The following CNTNAP5 variants were observed in gnomAD, a reference collection of about 807,000 sequenced individuals.
CNTNAP5 encodes contactin-associated protein-like 5.
In CNTNAP5, 72 loss-of-function variants were observed where a neutral mutation model predicts 150.2. That is an observed-to-expected ratio of 0.48 (90% CI 0.40 to 0.58). The LOEUF is 0.58. CNTNAP5 is among the 20% of genes least tolerant of loss of function. The pLI is 0.00. For synonymous variants in CNTNAP5, 672 were observed against 619.8 expected (o/e 1.08, Z -1.25); for missense variants, 1,636 against 1,626.2 (o/e 1.01, Z -0.10).
intron 12 of CNTNAP5, among the ~76,000 whole-genome samples, chr2:124,611,160 C>A (rs1206898688): frequency 3.3e-5 from 5 of 152,092 alleles, no homozygotes; most frequent in African/African-American, 1.2e-4. Flanking sequence ...AAAGCAACCA[C>A]ATTTATGGAG....
At position 124,514,642 on chromosome 2, in the gene CNTNAP5, C is replaced by T. The variant is rs143904265; in HGVS notation, c.1328-9661C>T. Among the ~76,000 whole-genome samples, 352 of 152,166 alleles carry T rather than the reference C, an allele frequency of 2.3e-3. 2 individuals are homozygous for T. Among genetic ancestry groups the T allele is most frequent in the African/African-American group, 8.0e-3 (332 of 41,504 alleles). ...TGAATAATAGAACATGTGCCTGGGA[C>T]ACTGGGGAAGCACTGGGAAGAGGCA... On this transcript the variant is annotated intron_variant, in intron 8 of 23. Transcript: ENST00000682447.
rs558660063 is a variant in CNTNAP5, at chr2:124,284,945, T to C, written c.381+42552T>C. Among the ~76,000 whole-genome samples the C allele has an allele frequency of 6.6e-5, 10 of 152,198 alleles. No individual in the cohort carries two copies. The East Asian group carries it at 1.9e-3, about 30-fold the overall frequency. ...TCACCCAGGGTATTCTGAGACAGGG[T>C]CTTGCTTTGTCACCCAGGCTGGAGT... On this transcript the variant is annotated intron_variant, in intron 3 of 23. Coordinates refer to ENST00000682447, the MANE Select transcript of CNTNAP5 (RefSeq NM_001367498.1).
At chr2:124,415,277 C>A (rs1236712435) in intron 3 of CNTNAP5, among the ~76,000 whole-genome samples, 1 of 152,134 alleles carries the variant, frequency 6.6e-6, no homozygotes, top group African/African-American at 2.4e-5. Flanking sequence ...CTAAGTCATT[C>A]TTTTATATGA....
intron 1 of CNTNAP5, among the ~76,000 whole-genome samples, chr2:124,029,025 G>T (rs191557867): frequency 3.3e-5 from 5 of 152,120 alleles, no homozygotes; most frequent in African/African-American, 1.2e-4. Flanking sequence ...TAAGTTGTGC[G>T]ATTATAAAGA....
At chr2:124,805,105 C>T (rs1312311642) in intron 19 of CNTNAP5, among the ~76,000 whole-genome samples, 2 of 152,058 alleles carry the variant, frequency 1.3e-5, no homozygotes, top group Non-Finnish European at 2.9e-5. Flanking sequence ...AGAGGCAGAA[C>T]ACTTGGGCCT....
chr2:124,413,856 A>G (rs926120998), intron 3 of CNTNAP5, among the ~76,000 whole-genome samples: 1 of 147,150 alleles, frequency 6.8e-6, no homozygotes, highest in Admixed American at 6.8e-5. Context: ...CAATGTGCAC[A>G]TGTACCCTAA....
At chr2:124,631,677 T>G (rs1677863146) in intron 12 of CNTNAP5, among the ~76,000 whole-genome samples, 1 of 152,028 alleles carries the variant, frequency 6.6e-6, no homozygotes, top group African/African-American at 2.4e-5. Flanking sequence ...GACTTTATGA[T>G]GAAATTGCCA....
rs532536222 is a variant in CNTNAP5, at chr2:124,109,985, TACA to T, written c.82+84258_82+84260del. The stretch of plus-strand genomic sequence containing the variant: ...CTATTAGGGCATAACTTCACAAAAT[TACA>T]ACAAGTGCTCACAAGTACTATTGTA... On this transcript the variant is annotated intron_variant, in intron 1 of 23. Transcript: ENST00000682447. 5.3e-5 allele frequency among the ~76,000 whole-genome samples: 8 copies of T among 152,310 alleles called. No homozygotes were observed. In the South Asian group the frequency reaches 1.0e-3, roughly 20 times the overall value.
At chr2:124,214,113 G>C (rs1362922192) in intron 1 of CNTNAP5, among the ~76,000 whole-genome samples, 1 of 152,090 alleles carries the variant, frequency 6.6e-6, no homozygotes, top group Non-Finnish European at 1.5e-5. Flanking sequence ...TAAGGTGATG[G>C]TCTCCCCGTT....
chr2:124,529,685 G>C (rs1357203238), intron 10 of CNTNAP5, among the ~76,000 whole-genome samples: 1 of 152,144 alleles, frequency 6.6e-6, no homozygotes, highest in African/African-American at 2.4e-5. Context: ...CAAACTCTTT[G>C]CCTTCAAGGA....
intron 13 of CNTNAP5, among the ~76,000 whole-genome samples, chr2:124,738,288 G>A (rs896267233): frequency 9.2e-5 from 14 of 152,152 alleles, no homozygotes; most frequent in Admixed American, 7.9e-4. Context: ...TGTCGTATCA[G>A]GGAAATTGTG....
At chr2:124,428,060 A>G (rs545144038) in intron 4 of CNTNAP5, among the ~76,000 whole-genome samples, 1 of 152,192 alleles carries the variant, frequency 6.6e-6, no homozygotes, top group East Asian at 1.9e-4. Flanking sequence ...TTGATTCCTG[A>G]TAGATCCTAG....
chr2:124,863,282 A>G (rs988629673), intron 19 of CNTNAP5, among the ~76,000 whole-genome samples: 3 of 152,180 alleles, frequency 2.0e-5, no homozygotes, highest in African/African-American at 7.2e-5. Flanking sequence ...GTGGAAGGGC[A>G]TATTGCCCAG....
chr2:124,763,631 C>T (rs765456559), intron 14 of CNTNAP5, 41 bp from the exon 15 acceptor site: 1 of 1,585,258 alleles, frequency 6.3e-7, no homozygotes, highest in East Asian at 2.3e-5. Flanking sequence ...CTAGATTATC[C>T]ACATTTTGTC....
chr2:124,651,847 C>T (rs751397324), intron 13 of CNTNAP5, among the ~76,000 whole-genome samples: 2 of 152,180 alleles, frequency 1.3e-5, no homozygotes, highest in Non-Finnish European at 2.9e-5. Flanking sequence ...CTGGCCTAGA[C>T]TCATCACCTT....
intron 6 of CNTNAP5, among the ~76,000 whole-genome samples, chr2:124,459,937 G>C (rs765534857): frequency 1.3e-5 from 2 of 152,064 alleles, no homozygotes; most frequent in Non-Finnish European, 2.9e-5. Context: ...GAATCGAAAT[G>C]ACTCTTTTAT....
At chr2:124,225,171 C>G (rs1004726348) in intron 2 of CNTNAP5, among the ~76,000 whole-genome samples, 14 of 152,114 alleles carry the variant, frequency 9.2e-5, no homozygotes, top group Admixed American at 2.6e-4. Context: ...CAGCGCACAA[C>G]TAAAAATTAT....
At chr2:124,911,356 G>GT in intron 22 of CNTNAP5, 111 bp from the exon 23 acceptor site, 1 of 738,322 alleles carries the variant, frequency 1.4e-6, no homozygotes, top group South Asian at 1.6e-5. Flanking sequence ...ACAACTATTT[G>GT]AGGGCACCTG....
chr2:124,887,949 T>A (rs535436696), intron 21 of CNTNAP5, among the ~76,000 whole-genome samples: 1 of 152,136 alleles, frequency 6.6e-6, no homozygotes, highest in Non-Finnish European at 1.5e-5. Context: ...GGTTTCTTTT[T>A]CTTTTTTAAT....
Sources: allele counts gnomAD v4.1 joint callset (sites outside exome capture counted in the v4.1 genomes callset), GRCh38; gene constraint gnomAD v4.1.1; transcripts MANE v1.5; gene names NCBI Gene and HGNC (gene_info 2026-07-23, HGNC 2026-07-21).